Variants in ADAMTS17 observed in about 807,000 individuals in gnomAD.
ADAMTS17 encodes the protein ADAM metallopeptidase with thrombospondin type 1 motif 17, also known as A disintegrin and metalloproteinase with thrombospondin motifs 17.
In ADAMTS17, 113 loss-of-function variants were observed where a neutral mutation model predicts 141.5. That is an observed-to-expected ratio of 0.80 (90% CI 0.69 to 0.93). The LOEUF (loss-of-function observed/expected upper bound fraction) is 0.93, where lower values mean the gene tolerates loss of function less well. Ranked by LOEUF, ADAMTS17 falls within the 40% of genes least tolerant of loss-of-function variation. ADAMTS17 has a pLI of 0.00. For missense variants in ADAMTS17, 1,659 were observed against 1,517.9 expected (o/e 1.09, Z -1.54); for synonymous variants, 768 against 630.6 (o/e 1.22, Z -3.27).
At chr15:100,023,481 C>A (rs1487069623) in intron 18 of ADAMTS17, among the ~76,000 whole-genome samples, 1 of 152,006 alleles carries the variant, frequency 6.6e-6, no homozygotes, top group Admixed American at 6.6e-5. Context: ...GGTGGGATTA[C>A]AGGGGTGAGC....
At chr15:100,338,145 C>T (rs758082297) in intron 2 of ADAMTS17, among the ~76,000 whole-genome samples, 3 of 152,186 alleles carry the variant, frequency 2.0e-5, no homozygotes, top group Admixed American at 6.5e-5. Flanking sequence ...GCAGCTGGCC[C>T]AGCTTTTCAG....
At chr15:100,261,413 T>C in intron 6 of ADAMTS17, 66 bp downstream of exon 6, 4 of 1,608,962 alleles carry the variant, frequency 2.5e-6, no homozygotes, top group Middle Eastern at 2.1e-4. Context: ...AACATGCCTA[T>C]TTCCTCTCTG....
chr15:100,320,624 G>A (rs1160010195), intron 3 of ADAMTS17, among the ~76,000 whole-genome samples: 3 of 152,210 alleles, frequency 2.0e-5, no homozygotes, highest in Non-Finnish European at 4.4e-5. Flanking sequence ...CTTAGTTCCA[G>A]GAGATGGCGA....
Position 100,110,046 on chromosome 15 carries a change from C to G in ADAMTS17, c.1889-930G>C, listed in dbSNP as rs1464308885. On this transcript the variant is annotated intron_variant, in intron 13 of 21. Transcript: ENST00000268070. ...CGCTAAAAGAGTGTGAAAGGGATGA[C>G]TTTTATTCATCTTCAGATTGAAGTA... 2.6e-5 allele frequency among the ~76,000 whole-genome samples: 4 copies of G among 151,908 alleles called. No individual in the cohort carries two copies. In the East Asian group the frequency reaches 7.7e-4, roughly 29 times the overall value.
At chr15:99,985,783 A>G (rs953961368) in intron 20 of ADAMTS17, among the ~76,000 whole-genome samples, 2 of 152,202 alleles carry the variant, frequency 1.3e-5, no homozygotes, top group Admixed American at 6.5e-5. Context: ...GTGAGGGTCC[A>G]ATGAGATACC....
At chr15:100,211,664 T>C (rs1388160591) in intron 7 of ADAMTS17, among the ~76,000 whole-genome samples, 3 of 152,174 alleles carry the variant, frequency 2.0e-5, no homozygotes, top group Admixed American at 2.0e-4. Context: ...TCATAAAAGG[T>C]ACCATAAACA....
At chr15:100,213,624 A>G (rs951885339) in intron 7 of ADAMTS17, among the ~76,000 whole-genome samples, 2 of 152,242 alleles carry the variant, frequency 1.3e-5, no homozygotes, top group African/African-American at 2.4e-5. Context: ...ACAAGGCAGG[A>G]GAATCATTTT....
chr15:99,978,267 GCTTCCTTGCCT>G (rs2060409777), intron 20 of ADAMTS17, among the ~76,000 whole-genome samples: 1 of 152,198 alleles, frequency 6.6e-6, no homozygotes, highest in Non-Finnish European at 1.5e-5. Flanking sequence ...GGATTCCTCA[GCTTCCTTGCCT>G]GACAAGCAGG....
intron 7 of ADAMTS17, among the ~76,000 whole-genome samples, chr15:100,205,400 A>G (rs1596271544): frequency 6.6e-6 from 1 of 152,232 alleles, no homozygotes; most frequent in East Asian, 1.9e-4. Context: ...AGAAACGAAT[A>G]AGTGGTGATG....
At chr15:100,326,660 T>C (rs12441524) in intron 3 of ADAMTS17, among the ~76,000 whole-genome samples, 14,449 of 152,162 alleles carry the variant, frequency 0.095, 1,136 homozygotes, top group East Asian at 0.25. Context: ...GGTATCTGCA[T>C]AGTCACATGA....
At chr15:100,137,432 A>T (rs1033194699) in intron 10 of ADAMTS17, among the ~76,000 whole-genome samples, 6 of 152,362 alleles carry the variant, frequency 3.9e-5, no homozygotes, top group African/African-American at 1.4e-4. Flanking sequence ...GTTAAGCACA[A>T]AGAAAAATAA....
chr15:100,232,771 C>T (rs1431790178), intron 7 of ADAMTS17, among the ~76,000 whole-genome samples: 1 of 152,196 alleles, frequency 6.6e-6, no homozygotes, highest in African/African-American at 2.4e-5. Context: ...GCCCTCCTCT[C>T]ACTGCCTCCT....
intron 8 of ADAMTS17, among the ~76,000 whole-genome samples, chr15:100,196,490 G>GCA: frequency 6.6e-6 from 1 of 152,324 alleles, no homozygotes; most frequent in East Asian, 1.9e-4. Context: ...GCCCTACGAC[G>GCA]CACATTAGGT....
At chr15:99,978,877 A>T (rs1022299920) in intron 20 of ADAMTS17, 1 of 152,226 alleles carries the variant, frequency 6.6e-6, no homozygotes, top group Non-Finnish European at 1.5e-5. Flanking sequence ...TGCAGTGGGC[A>T]TTCAGAACCG....
At chr15:100,022,176 T>C (rs1276284739) in intron 18 of ADAMTS17, among the ~76,000 whole-genome samples, 74 of 152,204 alleles carry the variant, frequency 4.9e-4, no homozygotes, top group Non-Finnish European at 1.8e-4. Flanking sequence ...CGATTGATCC[T>C]ATATGGTCAA....
chr15:100,135,405 T>C (rs1209817639), intron 10 of ADAMTS17, among the ~76,000 whole-genome samples: 2 of 151,954 alleles, frequency 1.3e-5, no homozygotes, highest in East Asian at 3.9e-4. Flanking sequence ...TGCCTCAGCC[T>C]TCCGAGTAGC....
intron 7 of ADAMTS17, among the ~76,000 whole-genome samples, chr15:100,209,131 A>AAAAAAAAAGG (rs1555483240): frequency 2.3e-5 from 3 of 133,100 alleles, no homozygotes; most frequent in South Asian, 2.4e-4. Context: ...AAAAAAAAAA[A>AAAAAAAAAGG]AAGGAAGAAA....
rs541455626 is a variant in ADAMTS17 at position 100,118,414 on chromosome 15, C to A, written c.1722-1401G>T. 5.9e-5 allele frequency among the ~76,000 whole-genome samples: 9 copies of A among 152,320 alleles called. No homozygotes were observed. The East Asian group carries it at 1.3e-3, about 23-fold the overall frequency. ...CATATACACTAGAAAACAGTTCCCTCCCCCAGGAGAAGAAGAGATCTAGAG... is the reference window on the plus strand; with the variant it reads ...CATATACACTAGAAAACAGTTCCCTACCCCAGGAGAAGAAGAGATCTAGAG... On this transcript the variant is annotated intron_variant, in intron 12 of 21. Transcript: ENST00000268070.
intron 18 of ADAMTS17, among the ~76,000 whole-genome samples, chr15:100,029,723 G>A (rs1176684956): frequency 6.6e-6 from 1 of 152,184 alleles, no homozygotes; most frequent in Non-Finnish European, 1.5e-5. Flanking sequence ...TCTACTGAAG[G>A]ATTTTTGCAT....
Sources: allele counts gnomAD v4.1 joint callset (sites outside exome capture counted in the v4.1 genomes callset), GRCh38; gene constraint gnomAD v4.1.1; transcripts MANE v1.5; gene names NCBI Gene and HGNC (gene_info 2026-07-23, HGNC 2026-07-21).